The following DACT1 variants were observed in gnomAD, a reference collection of about 807,000 sequenced individuals.
DACT1 encodes the protein dishevelled binding antagonist of beta catenin 1.
A neutral mutation model predicts 35.3 loss-of-function variants in DACT1; 19 were observed. The observed-to-expected ratio is 0.54, with a 90% confidence interval of 0.38 to 0.79. DACT1 has a LOEUF of 0.79. DACT1 is among the 30% of genes least tolerant of loss of function. DACT1 has a pLI of 0.00. For missense variants in DACT1, 1,143 were observed against 1,057.5 expected (o/e 1.08, Z -1.12); for synonymous variants, 545 against 466.7 (o/e 1.17, Z -2.16).
In DACT1 at chr14:58,646,886, G is replaced by C. The variant is rs780356927; in HGVS notation, c.2152G>C (p.Gly718Arg). ...EQSNYTTNCF[G>R]DSESSVSEGE... ...GAGCAATTACACCACCAACTGCTTC[G>C]GGGACAGCGAGTCGAGTGTGAGCGA... Residue 718 changes from glycine to arginine, a missense_variant, in exon 4 of 4, where the codon GGG becomes CGG. Around this residue, in one of 3 missense-constraint regions of DACT1, gnomAD observed 1,054 missense variants for 958.8 expected, o/e 1.10. Transcript: ENST00000395153. 6.2e-7 allele frequency: 1 copy of C among 1,614,160 alleles called. No individual in the cohort carries two copies. The highest frequency in any genetic ancestry group is 1.1e-5 in the South Asian group (1 of 91,080).
Position 58,646,114 on chromosome 14 carries a change from G to A in DACT1, c.1380G>A (p.Pro460=), listed in dbSNP as rs199519685. The part of the protein sequence containing the change: ...KESPSRGPAP[P]QENKVVQPLK... ...GTCCTAGCAGAGGCCCTGCCCCGCC[G>A]CAGGAGAACAAAGTTGTACAGCCCC... Residue 460 remains proline (P), a synonymous_variant, in exon 4 of 4, where the codon CCG becomes CCA. Transcript: ENST00000395153. The A allele has an allele frequency of 1.1e-5, 18 of 1,612,582 alleles. No homozygotes were observed. In the Admixed American group the frequency reaches 2.5e-4, roughly 23 times the overall value.
In DACT1 at chr14:58,646,066, C is replaced by T. The variant is rs2047676125; in HGVS notation, c.1332C>T (p.Leu444=). 1 of 1,613,800 alleles carries T rather than the reference C, an allele frequency of 6.2e-7. No homozygotes were observed. ...TGESPKESAQ[L]SGASPKESPS... ...AGTCCCCTAAGGAAAGCGCTCAGCTCTCAGGGGCCTCTCCAAAAGAGAGTC... is the reference window on the plus strand; with the variant it reads ...AGTCCCCTAAGGAAAGCGCTCAGCTTTCAGGGGCCTCTCCAAAAGAGAGTC... Residue 444 remains leucine, a synonymous_variant, in exon 4 of 4, where the codon CTC becomes CTT. Coordinates refer to ENST00000395153, the MANE Select transcript of DACT1 (RefSeq NM_001079520.2).
rs746415760 is a variant in DACT1, at chr14:58,645,739, G to GAACGGGAGCGTTCCTCAGAACACA, written c.1017_1018insCCTCAGAACACAAACGGGAGCGTT (p.Val339_Cys340insProGlnAsnThrAsnGlySerVal). On this transcript the variant is annotated inframe_insertion, in exon 4 of 4. Coordinates refer to ENST00000395153, the MANE Select transcript of DACT1 (RefSeq NM_001079520.2). ...CTGACCCCACGAAAGGGCTTCTGAG[G>GAACGGGAGCGTTCCTCAGAACACA]AACGGGAGCGTTTGTGTCAGAGCCC... 5.0e-6 allele frequency: 8 copies of GAACGGGAGCGTTCCTCAGAACACA among 1,614,080 alleles called. No homozygotes were observed. The East Asian group carries it at 1.6e-4, about 31-fold the overall frequency.
upstream of DACT1, among the ~76,000 whole-genome samples, chr14:58,635,668 A>C (rs2047568239): frequency 7.0e-6 from 1 of 143,044 alleles, no homozygotes; most frequent in South Asian, 2.6e-4. Context: ...GAGCCAGCTC[A>C]AAGTGGCATT....
upstream of DACT1, among the ~76,000 whole-genome samples, chr14:58,637,305 TCCTG>T (rs781115627): frequency 2.0e-5 from 3 of 152,350 alleles, no homozygotes; most frequent in Admixed American, 2.0e-4. Context: ...AACGACATCC[TCCTG>T]CCTAATTTTA....
Position 58,646,959 on chromosome 14 carries a change from G to T in DACT1, c.2225G>T (p.Ser742Ile), listed in dbSNP as rs2047696727. The change falls in exon 4 of 4, where the codon AGC becomes ATC. Residue 742 changes from serine (S) to isoleucine (I), a missense_variant. By Grantham distance (142) the Ser-to-Ile change is moderately radical. This residue lies in a region of DACT1 where 1,054 missense variants were observed against 958.8 expected (regional missense o/e 1.10). Transcript: ENST00000395153. ...ESTTTSDSEE[S>I]GGLIWSQFVQ... ...ACAACCACCAGCGACTCTGAAGAAA[G>T]CGGGGGCTTAATTTGGTCCCAGTTT... 6.2e-7 allele frequency: 1 copy of T among 1,614,204 alleles called. No homozygotes were observed. The highest frequency in any genetic ancestry group is 1.3e-5 in the African/African-American group (1 of 75,046).
rs765693933 is a variant in DACT1 at position 58,647,018 on chromosome 14, C to G, written c.2284C>G (p.Pro762Ala). The G allele has an allele frequency of 1.2e-6, 2 of 1,614,168 alleles. No homozygotes were observed. Among genetic ancestry groups the G allele is most frequent in the East Asian group, 4.5e-5 (2 of 44,868 alleles). Residue 762 changes from proline to alanine, a missense_variant, in exon 4 of 4, where the codon CCA becomes GCA. Physicochemically the swap from Pro to Ala is conservative, Grantham distance 27 (BLOSUM62 -1). Around this residue, in one of 3 missense-constraint regions of DACT1, gnomAD observed 1,054 missense variants for 958.8 expected, o/e 1.10. Transcript: ENST00000395153. ...TCTGCCCATTCAAACGGTAACGGCC[C>G]CAGACCTTCACAACCACCCCGCAAA... ...QTLPIQTVTA[P>A]DLHNHPAKTF...
At chr14:58,644,809 A>C (rs965983089) in intron 3 of DACT1, among the ~76,000 whole-genome samples, 2 of 152,260 alleles carry the variant, frequency 1.3e-5, no homozygotes, top group Non-Finnish European at 2.9e-5. Context: ...AACGCAGTAC[A>C]GACAGTTTAA....
Position 58,640,828 on chromosome 14 carries a change from A to G in DACT1, c.438A>G (p.Thr146=). Residue 146 remains threonine (T), a synonymous_variant, in exon 2 of 4, where the codon ACA becomes ACG. Coordinates refer to ENST00000395153, the MANE Select transcript of DACT1 (RefSeq NM_001079520.2). ...ISDLRLDVEK[T]SEEHLETDSR... is the part of the protein sequence containing the mutation. ...ACCTGAGACTGGATGTAGAAAAGAC[A>G]TCTGAAGAGCACCTGGAGACAGACA... 3.1e-6 allele frequency: 5 copies of G among 1,614,190 alleles called. No homozygotes were observed. The highest frequency in any genetic ancestry group is 2.2e-5 in the South Asian group (2 of 91,084).
In DACT1 at chr14:58,646,818, C is replaced by T. The variant is rs779218639; in HGVS notation, c.2084C>T (p.Ser695Phe). The T allele has an allele frequency of 5.6e-6, 9 of 1,614,194 alleles. No individual in the cohort carries two copies. Among genetic ancestry groups the T allele is most frequent in the South Asian group, 1.1e-5 (1 of 91,084 alleles). The change falls in exon 4 of 4, where the codon TCC (serine) becomes TTC (phenylalanine). Residue 695 changes from serine to phenylalanine, a missense_variant. Ser to Phe is a radical substitution (Grantham distance 155, BLOSUM62 -2). Transcript: ENST00000395153. ...TCCGAGTACTCGGCCGAGTGCGAGT[C>T]CCTGTTCCACTCCACCGTGGTGGAC... ...SDSEYSAECESLFHSTVVDTS... is the reference protein window; with the variant it reads ...SDSEYSAECEFLFHSTVVDTS...
Position 58,646,994 on chromosome 14 carries a change from C to G in DACT1, c.2260C>G (p.Leu754Val). 6.2e-7 allele frequency: 1 copy of G among 1,614,210 alleles called. No individual in the cohort carries two copies. The highest frequency in any genetic ancestry group is 8.5e-7 in the Non-Finnish European group (1 of 1,180,040). Residue 754 changes from leucine (L) to valine (V), a missense_variant, in exon 4 of 4, where the codon CTG becomes GTG. Physicochemically the swap from Leu to Val is conservative, Grantham distance 32. Transcript: ENST00000395153. ...AATTTGGTCCCAGTTTGTCCAGACT[C>G]TGCCCATTCAAACGGTAACGGCCCC... Reference protein sequence around the residue: ...GLIWSQFVQTLPIQTVTAPDL... With the variant: ...GLIWSQFVQTVPIQTVTAPDL...
upstream of DACT1, among the ~76,000 whole-genome samples, chr14:58,637,629 C>G (rs1418469689): frequency 6.6e-6 from 1 of 152,174 alleles, no homozygotes; most frequent in East Asian, 1.9e-4. Context: ...CCTGCGCGGC[C>G]GACTGTAACA....
At position 58,645,940 on chromosome 14, in the gene DACT1, C is replaced by G; in HGVS notation, c.1206C>G (p.Cys402Trp). 2.5e-6 allele frequency: 4 copies of G among 1,613,992 alleles called. No individual in the cohort carries two copies. Among genetic ancestry groups the G allele is most frequent in the Non-Finnish European group, 3.4e-6 (4 of 1,180,022 alleles). ...ESKRVPLPEGCPSGAASDLQS... is the reference protein window; with the variant it reads ...ESKRVPLPEGWPSGAASDLQS... Reference sequence around the variant, plus strand: ...AGAGGGTGCCCCTGCCAGAGGGCTGCCCCTCAGGCGCTGCCTCCGACCTTC... The same window carrying G: ...AGAGGGTGCCCCTGCCAGAGGGCTGGCCCTCAGGCGCTGCCTCCGACCTTC... Residue 402 changes from cysteine to tryptophan, a missense_variant, in exon 4 of 4, where the codon TGC (cysteine) becomes TGG (tryptophan). This residue lies in a region of DACT1 where 1,054 missense variants were observed against 958.8 expected (regional missense o/e 1.10). Transcript: ENST00000395153.
chr14:58,646,671 C>T lies in DACT1; in HGVS notation c.1937C>T (p.Ala646Val). The change falls in exon 4 of 4, where the codon GCC becomes GTC. Residue 646 changes from alanine to valine, a missense_variant. Ala to Val is a moderately conservative substitution (Grantham distance 64). Around this residue, in one of 3 missense-constraint regions of DACT1, gnomAD observed 1,054 missense variants for 958.8 expected, o/e 1.10. Transcript: ENST00000395153. ...GACTACCGGCGGTGGAAGTCCTCGG[C>T]CGAGATTTCCTACGAAGAGGCCCTG... ...RTDYRRWKSS[A>V]EISYEEALRR... 6.2e-7 allele frequency: 1 copy of T among 1,612,564 alleles called. No individual in the cohort carries two copies. Among genetic ancestry groups the T allele is most frequent in the Non-Finnish European group, 8.5e-7 (1 of 1,179,778 alleles).
chr14:58,638,284 G>T lies in DACT1; in HGVS notation c.82G>T (p.Glu28Ter). The T allele has an allele frequency of 1.5e-6, 2 of 1,351,314 alleles. No homozygotes were observed. The highest frequency in any genetic ancestry group is 1.8e-5 in the South Asian group (1 of 55,404). The allele number at this position is 1,351,314 out of a possible 1,614,324, so 83.7% of individuals were successfully genotyped here. The change falls in exon 1 of 4, where the codon GAG (glutamate) becomes TAG (stop). Residue 28 changes from glutamate (E) to a stop codon, truncating the protein, a stop_gained. Transcript: ENST00000395153. LOFTEE classifies it high-confidence loss of function. ...ARGEQRTAEP[E>*]GRWREKGEAD... ...AGGCGAGCAGCGCACGGCGGAGCCC[G>T]AGGGGCGCTGGCGGGAGAAGGGCGA... is the stretch of plus-strand genomic sequence containing the variant.
chr14:58,637,987 G>C lies in DACT1; in HGVS notation c.-216G>C. On this transcript the variant is annotated 5_prime_UTR_variant, in exon 1 of 4. Transcript: ENST00000395153. ...GTTATCAGCTGCCGGGCCGCGGCGA[G>C]GGACGCGCGGCGACAGCGGACGGCG... 3.2e-6 allele frequency: 1 copy of C among 315,382 alleles called. No homozygotes were observed. The allele number at this position is 315,382 out of a possible 1,614,324, so 19.5% of individuals were successfully genotyped here. A position where few individuals can be genotyped will look rare whatever the true frequency, so the allele number is the denominator to read the frequency against.
chr14:58,642,050 C>T (rs1442797368), intron 3 of DACT1, among the ~76,000 whole-genome samples: 1 of 152,156 alleles, frequency 6.6e-6, no homozygotes, highest in African/African-American at 2.4e-5. Flanking sequence ...GTTAGGTTGT[C>T]TGTATTTTCT....
At chr14:58,643,167 AAT>A (rs906094846) in intron 3 of DACT1, among the ~76,000 whole-genome samples, 1 of 152,206 alleles carries the variant, frequency 6.6e-6, no homozygotes, top group African/African-American at 2.4e-5. Flanking sequence ...GGAATTCAGA[AAT>A]TGTTGTTTTC....
Position 58,645,926 on chromosome 14 carries a change from C to T in DACT1, c.1192C>T (p.Leu398=), listed in dbSNP as rs112117475. ...ACAAGCCGAAAGCAAGAGGGTGCCC[C>T]TGCCAGAGGGCTGCCCCTCAGGCGC... ...AEQAESKRVP[L]PEGCPSGAAS... Residue 398 remains leucine (L), a synonymous_variant, in exon 4 of 4, where the codon CTG becomes TTG. Transcript: ENST00000395153. 5 of 1,613,982 alleles carry T rather than the reference C, an allele frequency of 3.1e-6. No homozygotes were observed. The highest frequency in any genetic ancestry group is 1.3e-5 in the African/African-American group (1 of 74,942).
Sources: allele counts gnomAD v4.1 joint callset (sites outside exome capture counted in the v4.1 genomes callset), GRCh38; gene constraint gnomAD v4.1.1; regional missense constraint gnomAD v4.1.1; transcripts MANE v1.5; gene names NCBI Gene and HGNC (gene_info 2026-07-23, HGNC 2026-07-21).